Variants in GDAP1 observed in about 807,000 individuals in gnomAD.
The protein encoded by GDAP1 is ganglioside-induced differentiation-associated protein 1.
GDAP1 carries 34 observed loss-of-function variants against 40.1 expected under a neutral mutation model. The observed-to-expected ratio is 0.85, with a 90% CI of 0.64 to 1.13. The LOEUF is 1.13. GDAP1 is among the 50% of genes most tolerant of loss of function. The pLI is 0.00. For synonymous variants in GDAP1, 170 were observed against 157.4 expected (o/e 1.08, Z -0.60); for missense variants, 374 against 433.7 (o/e 0.86, Z 1.22).
chr8:74,430,182 T>G (rs898216544), intron 2 of GDAP1, among the ~76,000 whole-genome samples: 2 of 152,250 alleles, frequency 1.3e-5, no homozygotes, highest in Non-Finnish European at 2.9e-5. Context: ...TGTGACAATG[T>G]ACTTAGTTGG....
At chr8:74,461,762 T>C (rs193233747) in intron 2 of GDAP1, among the ~76,000 whole-genome samples, 190 of 152,326 alleles carry the variant, frequency 1.2e-3, no homozygotes, top group African/African-American at 4.3e-3. Context: ...TGGTGTCAAA[T>C]GAATTTTTCC....
chr8:74,486,292 T>G (rs1332451676), intron 2 of GDAP1, among the ~76,000 whole-genome samples: 1 of 152,204 alleles, frequency 6.6e-6, no homozygotes, highest in African/African-American at 2.4e-5. Flanking sequence ...GATGTTTTTC[T>G]TATGTTCTAA....
intron 2 of GDAP1, among the ~76,000 whole-genome samples, chr8:74,483,194 C>G (rs749345302): frequency 1.3e-5 from 2 of 152,126 alleles, no homozygotes; most frequent in Non-Finnish European, 2.9e-5. Context: ...CAATAAGACA[C>G]TGAGCTAAGG....
chr8:74,385,907 G>T (rs1286355642), intron 2 of GDAP1, among the ~76,000 whole-genome samples: 1 of 152,128 alleles, frequency 6.6e-6, no homozygotes, highest in Non-Finnish European at 1.5e-5. Flanking sequence ...GTATCTCATT[G>T]TGGTTTTGAT....
intron 2 of GDAP1, among the ~76,000 whole-genome samples, chr8:74,412,085 G>A (rs922008897): frequency 1.3e-5 from 2 of 149,752 alleles, no homozygotes; most frequent in African/African-American, 5.1e-5. Context: ...TTTTCTTAGC[G>A]ATGTCATTCA....
chr8:74,384,327 C>T (rs575654571), intron 2 of GDAP1, among the ~76,000 whole-genome samples: 1 of 152,192 alleles, frequency 6.6e-6, no homozygotes, highest in South Asian at 2.1e-4. Flanking sequence ...CTTTTTCAAC[C>T]ACTGTTTTGG....
intron 2 of GDAP1, among the ~76,000 whole-genome samples, chr8:74,440,202 C>A (rs1806146282): frequency 6.6e-6 from 1 of 152,154 alleles, no homozygotes; most frequent in Non-Finnish European, 1.5e-5. Context: ...GCAGAGTTAG[C>A]ATGAGTTTGG....
At chr8:74,360,053 G>T in intron 2 of GDAP1, 84 bp from the exon 3 acceptor site, 1 of 898,852 alleles carries the variant, frequency 1.1e-6, no homozygotes, top group South Asian at 1.3e-5. Context: ...TGTTAATGAT[G>T]AGTGGATAGT....
chr8:74,469,547 A>G (rs1168390320), intron 2 of GDAP1, among the ~76,000 whole-genome samples: 1 of 151,968 alleles, frequency 6.6e-6, no homozygotes, highest in Non-Finnish European at 1.5e-5. Flanking sequence ...GGGCGCCTGT[A>G]GTCCCAGCTA....
At chr8:74,351,970 T>A (rs1808894392) in intron 2 of GDAP1, among the ~76,000 whole-genome samples, 1 of 152,242 alleles carries the variant, frequency 6.6e-6, no homozygotes, top group East Asian at 1.9e-4. Context: ...GGCTTAAATT[T>A]GTATAGTGCA....
At chr8:74,444,169 G>C (rs995183357) in intron 2 of GDAP1, among the ~76,000 whole-genome samples, 1 of 150,382 alleles carries the variant, frequency 6.6e-6, no homozygotes, top group African/African-American at 2.4e-5. Flanking sequence ...TGGTGAGTGT[G>C]GTGAGAATGG....
intron 2 of GDAP1, among the ~76,000 whole-genome samples, chr8:74,376,401 T>C (rs1809852457): frequency 6.9e-6 from 1 of 145,358 alleles, no homozygotes; most frequent in Admixed American, 7.5e-5. Flanking sequence ...CAGGCTGGAG[T>C]GCAGTGGCGC....
intron 2 of GDAP1, among the ~76,000 whole-genome samples, chr8:74,380,748 TG>T (rs1409154427): frequency 1.3e-5 from 2 of 152,216 alleles, no homozygotes; most frequent in Admixed American, 6.5e-5. Context: ...AGTTTAAGTC[TG>T]TGGAACGGAC....
chr8:74,371,929 C>T (rs1809761346), intron 2 of GDAP1, among the ~76,000 whole-genome samples: 1 of 149,632 alleles, frequency 6.7e-6, no homozygotes, highest in African/African-American at 2.5e-5. Flanking sequence ...CCCCCCCACC[C>T]CATGACAGTC....
chr8:74,432,476 C>T (rs528736568), intron 2 of GDAP1, among the ~76,000 whole-genome samples: 22 of 152,236 alleles, frequency 1.4e-4, no homozygotes, highest in African/African-American at 4.8e-4. Flanking sequence ...TAAAACCCAA[C>T]TTCCTCAGTT....
chr8:74,355,473 A>ACATGATAC (rs1809051075), intron 2 of GDAP1, among the ~76,000 whole-genome samples: 1 of 152,234 alleles, frequency 6.6e-6, no homozygotes, highest in Admixed American at 6.5e-5. Flanking sequence ...TCTTTCATGT[A>ACATGATAC]CATGATACCT....
Position 74,472,586 on chromosome 8 carries a change from C to T in GDAP1, c.166-16092C>T, listed in dbSNP as rs569196392. On this transcript the variant is annotated intron_variant, in intron 2 of 2. Transcript: ENST00000523640. ...ATAAGTGTTCCCTTTTCTCTGCAAC[C>T]TCACCAGCATCTGTTTTTTTTTGAC... 1.6e-3 allele frequency among the ~76,000 whole-genome samples: 237 copies of T among 152,108 alleles called. 1 individual carries two copies. Among genetic ancestry groups the T allele is most frequent in the Non-Finnish European group, 1.9e-3 (126 of 68,028 alleles).
intron 2 of GDAP1, among the ~76,000 whole-genome samples, chr8:74,473,204 C>G (rs755075580): frequency 3.3e-5 from 5 of 151,630 alleles, no homozygotes; most frequent in African/African-American, 4.9e-5. Context: ...AGACCTTTGT[C>G]CGATGCATAG....
intron 2 of GDAP1, among the ~76,000 whole-genome samples, chr8:74,432,090 G>C (rs1400934164): frequency 6.6e-6 from 1 of 152,146 alleles, no homozygotes; most frequent in African/African-American, 2.4e-5. Flanking sequence ...AATACTGGAA[G>C]ATAGAGGGTC....
Sources: gnomAD v4.1 joint callset for allele counts (sites outside exome capture counted in the v4.1 genomes callset) on GRCh38, gnomAD v4.1.1 for gene constraint, MANE v1.5 for transcripts, NCBI Gene and HGNC (gene_info 2026-07-23, HGNC 2026-07-21) for gene names.